The following HTR3B variants were observed in gnomAD, a reference collection of about 807,000 sequenced individuals.
HTR3B encodes the protein 5-hydroxytryptamine (serotonin) receptor 3B, ionotropic.
In HTR3B, 44 loss-of-function variants were observed where a neutral mutation model predicts 42.8. The observed-to-expected ratio is 1.03, with a 90% CI of 0.81 to 1.32. The LOEUF is 1.32. Among genes scored for constraint, HTR3B ranks in the 40% most tolerant of loss-of-function variants. HTR3B has a pLI of 0.00. For missense variants in HTR3B, 527 were observed against 536.5 expected (o/e 0.98, Z 0.17); for synonymous variants, 203 against 209.0 (o/e 0.97, Z 0.25).
In HTR3B at chr11:113,944,587, A is replaced by G. The variant is rs2137540887; in HGVS notation, c.922A>G (p.Ile308Val). 6.2e-7 allele frequency: 1 copy of G among 1,614,052 alleles called. No individual in the cohort carries two copies. The highest frequency in any genetic ancestry group is 1.1e-5 in the South Asian group (1 of 91,086). Residue 308 changes from isoleucine (I) to valine (V), a missense_variant, in exon 8 of 9, where the codon ATC (isoleucine) becomes GTC (valine). Ile to Val is a conservative substitution (Grantham distance 29). Transcript: ENST00000260191. ...GCTTCTCTCAGGGCACTTCTTCACC[A>G]TCTGCATGGCCTTCTTGGTTCTCAG... ...STPLIGHFFT[I>V]CMAFLVLSLA...
chr11:113,922,399 A>G (rs201967248), intron 2 of HTR3B, among the ~76,000 whole-genome samples: 2 of 151,702 alleles, frequency 1.3e-5, no homozygotes, highest in East Asian at 3.9e-4. Flanking sequence ...ATATCGGGCT[A>G]ATTTTTGTAT....
intron 2 of HTR3B, among the ~76,000 whole-genome samples, chr11:113,912,247 T>A (rs189022121): frequency 9.7e-4 from 148 of 152,250 alleles, no homozygotes; most frequent in African/African-American, 3.5e-3. Context: ...TTCTTTTTTC[T>A]TTTCTTTTTT....
At chr11:113,934,016 C>A (rs147748476) in intron 6 of HTR3B, among the ~76,000 whole-genome samples, 1 of 152,194 alleles carries the variant, frequency 6.6e-6, no homozygotes, top group Non-Finnish European at 1.5e-5. Context: ...AAAAATATAC[C>A]TTTGGAATAA....
At chr11:113,941,075 G>A (rs1013082507) in intron 6 of HTR3B, among the ~76,000 whole-genome samples, 1 of 152,184 alleles carries the variant, frequency 6.6e-6, no homozygotes, top group Admixed American at 6.5e-5. Flanking sequence ...TACCAAGTTT[G>A]CAGCGAGGAT....
chr11:113,919,362 A>G (rs943289329), intron 2 of HTR3B, among the ~76,000 whole-genome samples: 5 of 152,200 alleles, frequency 3.3e-5, no homozygotes, highest in African/African-American at 1.2e-4. Flanking sequence ...AAATGATGTT[A>G]TTATTTTAAG....
At chr11:113,930,609 C>A (rs1395940170) in intron 2 of HTR3B, among the ~76,000 whole-genome samples, 1 of 151,564 alleles carries the variant, frequency 6.6e-6, no homozygotes, top group African/African-American at 2.4e-5. Flanking sequence ...CCACCTCAGC[C>A]TTCCAAGTAG....
At chr11:113,937,117 C>A (rs550662394) in intron 6 of HTR3B, among the ~76,000 whole-genome samples, 1 of 152,304 alleles carries the variant, frequency 6.6e-6, no homozygotes, top group East Asian at 1.9e-4. Flanking sequence ...GGCACCAGCT[C>A]CTTTAGTCCA....
chr11:113,908,805 A>G (rs577128310), intron 1 of HTR3B, among the ~76,000 whole-genome samples: 21 of 152,342 alleles, frequency 1.4e-4, no homozygotes, highest in East Asian at 1.4e-3. Flanking sequence ...TAATCCCTTT[A>G]TCTAGAAATC....
At chr11:113,932,889 G>A in intron 5 of HTR3B, 47 bp from the exon 6 acceptor site, 2 of 1,588,526 alleles carry the variant, frequency 1.3e-6, no homozygotes, top group Non-Finnish European at 1.7e-6. Flanking sequence ...GGTGGATGTT[G>A]GCATCTCTTT....
rs746532839 is a variant in HTR3B, at chr11:113,945,995, A to C, written c.1184A>C (p.Gln395Pro). 3.3e-5 allele frequency: 54 copies of C among 1,613,878 alleles called. No homozygotes were observed. The Admixed American group carries it at 6.2e-4, about 18-fold the overall frequency. Residue 395 changes from glutamine (Q) to proline (P), a missense_variant, in exon 9 of 9, where the codon CAG becomes CCG. By Grantham distance (76) the Gln-to-Pro change is moderately conservative. Coordinates refer to ENST00000260191, the MANE Select transcript of HTR3B (RefSeq NM_006028.5). ...TCTATCAGCAACTACCTCCAAACTC[A>C]GGACCAGACAGACCAACAGGAGGCA... The part of the protein sequence containing the change: ...LQSISNYLQT[Q>P]DQTDQQEAEW...
At chr11:113,932,228 C>G (rs996758735) in intron 4 of HTR3B, 61 bp from the exon 5 acceptor site, 3 of 1,377,168 alleles carry the variant, frequency 2.2e-6, no homozygotes, top group Non-Finnish European at 3.1e-6. Context: ...CCTAATCAGC[C>G]TATGTTTTGA....
chr11:113,907,045 G>C (rs143580887), intron 1 of HTR3B, among the ~76,000 whole-genome samples: 265 of 152,318 alleles, frequency 1.7e-3, no homozygotes, highest in African/African-American at 6.1e-3. Flanking sequence ...AACACTTTAA[G>C]ATAGGTGCAT....
In HTR3B at chr11:113,933,721, G is replaced by T. The variant is rs572463415; in HGVS notation, c.696+628G>T. On this transcript the variant is annotated intron_variant, in intron 6 of 8. Coordinates refer to ENST00000260191, the MANE Select transcript of HTR3B (RefSeq NM_006028.5). Reference sequence around the variant, plus strand: ...AAATTTGTCCGGCATGAAACTAGGGGATGGTGGGGTACAGGACAGTGAAGC... The same window carrying T: ...AAATTTGTCCGGCATGAAACTAGGGTATGGTGGGGTACAGGACAGTGAAGC... Among the ~76,000 whole-genome samples, 252 of 152,288 alleles carry T rather than the reference G, an allele frequency of 1.7e-3. 1 individual carries two copies. Among genetic ancestry groups the T allele is most frequent in the African/African-American group, 5.6e-3 (234 of 41,556 alleles).
intron 2 of HTR3B, among the ~76,000 whole-genome samples, chr11:113,911,806 G>A (rs901515799): frequency 1.1e-4 from 16 of 152,196 alleles, no homozygotes; most frequent in Admixed American, 9.8e-4. Flanking sequence ...TGGGATTACA[G>A]GCATGAGCCA....
At chr11:113,941,949 G>T (rs1950138399) in intron 6 of HTR3B, among the ~76,000 whole-genome samples, 2 of 152,208 alleles carry the variant, frequency 1.3e-5, no homozygotes, top group African/African-American at 4.8e-5. Flanking sequence ...ACACCTTGCA[G>T]ATAGTCTCAT....
At chr11:113,923,424 C>T (rs1225218492) in intron 2 of HTR3B, among the ~76,000 whole-genome samples, 6 of 152,198 alleles carry the variant, frequency 3.9e-5, no homozygotes, top group Admixed American at 3.3e-4. Context: ...ATCTACTCAA[C>T]AGTGAAGAGT....
rs1178442941 is a variant in HTR3B at position 113,947,737 on chromosome 11, G to A, written c.*1600G>A. Among the ~76,000 whole-genome samples, 1 of 152,134 alleles carries A rather than the reference G, an allele frequency of 6.6e-6. No individual in the cohort carries two copies. Among genetic ancestry groups the A allele is most frequent in the Non-Finnish European group, 1.5e-5 (1 of 68,032 alleles). ...CTATGTTCAAACAGTCATATTCTGA[G>A]TACTAGGGGTTAGGATGTCAACATA... On this transcript the variant is annotated 3_prime_UTR_variant, in exon 9 of 9. Transcript: ENST00000260191.
At position 113,944,593 on chromosome 11, in the gene HTR3B, A is replaced by C. The variant is rs772553628; in HGVS notation, c.928A>C (p.Met310Leu). The C allele has an allele frequency of 6.2e-7, 1 of 1,614,164 alleles. No individual in the cohort carries two copies. Among genetic ancestry groups the C allele is most frequent in the South Asian group, 1.1e-5 (1 of 91,090 alleles). Residue 310 changes from methionine (M) to leucine (L), a missense_variant, in exon 8 of 9, where the codon ATG becomes CTG. Met to Leu is a conservative substitution (Grantham distance 15, BLOSUM62 2). Coordinates refer to ENST00000260191, the MANE Select transcript of HTR3B (RefSeq NM_006028.5). ...PLIGHFFTICMAFLVLSLAKS... is the reference protein window; with the variant it reads ...PLIGHFFTICLAFLVLSLAKS... ...CTCAGGGCACTTCTTCACCATCTGC[A>C]TGGCCTTCTTGGTTCTCAGCTTAGC...
intron 2 of HTR3B, among the ~76,000 whole-genome samples, chr11:113,910,833 CT>C (rs11380661): frequency 8.4e-4 from 118 of 140,296 alleles, no homozygotes; most frequent in East Asian, 1.9e-3. Context: ...GTTTTCTTTT[CT>C]TTTTTTTTTT....
Sources: gnomAD v4.1 joint callset for allele counts (sites outside exome capture counted in the v4.1 genomes callset) on GRCh38, gnomAD v4.1.1 for gene constraint, MANE v1.5 for transcripts, NCBI Gene and HGNC (gene_info 2026-07-23, HGNC 2026-07-21) for gene names.